The following POLR3H variants were observed in gnomAD, a reference collection of about 807,000 sequenced individuals.
POLR3H encodes DNA-directed RNA polymerase III subunit RPC8.
In POLR3H, 17 loss-of-function variants were observed where a neutral mutation model predicts 25.5. The ratio of observed to expected loss-of-function variants is 0.67; its 90% confidence interval spans 0.46 to 1.00. The LOEUF is 1.00. Among genes scored for constraint, POLR3H ranks in the 50% least tolerant of loss-of-function variants. The probability of loss-of-function intolerance (pLI) is 0.00; values close to 1 mark genes in which losing one functional copy is unlikely to be tolerated. For synonymous variants in POLR3H, 129 were observed against 103.0 expected, an observed-to-expected ratio of 1.25 and a Z score of -1.53; for missense variants, 274 against 265.0, an observed-to-expected ratio of 1.03 and a Z score of -0.24.
chr22:41,541,989 G>A (rs2066935914), intron 1 of POLR3H, among the ~76,000 whole-genome samples: 1 of 152,080 alleles, frequency 6.6e-6, no homozygotes, highest in South Asian at 2.1e-4. Flanking sequence ...ATCCTACAGG[G>A]CTGTGTGGCC....
At chr22:41,533,907 G>A (rs2145551893) in intron 2 of POLR3H, among the ~76,000 whole-genome samples, 1 of 152,324 alleles carries the variant, frequency 6.6e-6, no homozygotes. Context: ...GGGAGGCCGA[G>A]GTGGGCAGAT....
Position 41,527,199 on chromosome 22 carries a change from C to G in POLR3H, c.*2084G>C. 1 of 1,597,582 alleles carries G rather than the reference C, an allele frequency of 6.3e-7. No individual in the cohort carries two copies. The highest frequency in any genetic ancestry group is 2.2e-5 in the East Asian group (1 of 44,594). On this transcript the variant is annotated 3_prime_UTR_variant, in exon 6 of 6. Coordinates refer to ENST00000355209, the MANE Select transcript of POLR3H (RefSeq NM_001018050.4). ...CCGGGAGCCTCAGGATGCCCAGGCG[C>G]CAGGTGGGTGAGGCCAGGCAGGTAG...
rs2066616741 is a variant in POLR3H, at chr22:41,527,139, G to A, written c.*2144C>T. 1 of 1,170,622 alleles carries A rather than the reference G, an allele frequency of 8.5e-7. No individual in the cohort carries two copies. Among genetic ancestry groups the A allele is most frequent in the Non-Finnish European group, 1.2e-6 (1 of 827,282 alleles). The allele number at this position is 1,170,622 out of a possible 1,614,324, so 72.5% of individuals were successfully genotyped here. On this transcript the variant is annotated 3_prime_UTR_variant, in exon 6 of 6. Coordinates refer to ENST00000355209, the MANE Select transcript of POLR3H (RefSeq NM_001018050.4). ...TCACGCAGGCTTCACTTGCCCTTAG[G>A]CAGCAGGCGAGGAAGGGCCCCTCCA...
In POLR3H at chr22:41,528,768, T is replaced by TAAA; in HGVS notation, c.*514_*515insTTT. On this transcript the variant is annotated 3_prime_UTR_variant, in exon 6 of 6. Transcript: ENST00000355209. ...TTAGCCCACGGAGTGACTGTGGTTG[T>TAAA]GGTGGGGGGGTTCTTAAAATAACTT... 4.5e-6 allele frequency: 5 copies of TAAA among 1,122,608 alleles called. No homozygotes were observed. The highest frequency in any genetic ancestry group is 4.9e-6 in the Non-Finnish European group (4 of 819,114). 69.5% of individuals were successfully genotyped at this position (1,122,608 alleles called of 1,614,324 possible). A position where few individuals can be genotyped will look rare whatever the true frequency, so the allele number is the denominator to read the frequency against.
intron 1 of POLR3H, among the ~76,000 whole-genome samples, 185 bp from the exon 2 acceptor site, chr22:41,540,980 G>T (rs771326237): frequency 6.6e-6 from 1 of 152,172 alleles, no homozygotes; most frequent in Admixed American, 6.5e-5. Context: ...AGCTCTGGAA[G>T]GAGCAGGGCC....
In POLR3H at chr22:41,527,269, A is replaced by AC; in HGVS notation, c.*2013dup. ...GTGCCCTCCTCTGCCTTATAACCTT[A>AC]CCCCCGCTTGCCTGACAGAAACATG... On this transcript the variant is annotated 3_prime_UTR_variant, in exon 6 of 6. Transcript: ENST00000355209. The AC allele has an allele frequency of 6.2e-7, 1 of 1,613,184 alleles. No individual in the cohort carries two copies. Among genetic ancestry groups the AC allele is most frequent in the African/African-American group, 1.3e-5 (1 of 74,680 alleles).
Position 41,529,137 on chromosome 22 carries a change from G to A in POLR3H, c.*146C>T, listed in dbSNP as rs562909019. The A allele has an allele frequency of 4.4e-5, 29 of 662,518 alleles. No individual in the cohort carries two copies. Among genetic ancestry groups the A allele is most frequent in the Non-Finnish European group, 7.0e-5 (27 of 384,374 alleles). The allele number at this position is 662,518 out of a possible 1,614,324, so 41.0% of individuals were successfully genotyped here. ...GCAGGGCCTAGATGGTGGAGGAGCGGGGCAAGCTGGTGGGCACTCCTGGCC... is the reference window on the plus strand; with the variant it reads ...GCAGGGCCTAGATGGTGGAGGAGCGAGGCAAGCTGGTGGGCACTCCTGGCC... On this transcript the variant is annotated 3_prime_UTR_variant, in exon 6 of 6. Coordinates refer to ENST00000355209, the MANE Select transcript of POLR3H (RefSeq NM_001018050.4).
rs565366612 is a variant in POLR3H, at chr22:41,526,924, G to A, written c.*2359C>T. 1.6e-4 allele frequency: 58 copies of A among 361,712 alleles called. No individual in the cohort carries two copies. In the South Asian group the frequency reaches 1.9e-3, roughly 12 times the overall value. 22.4% of individuals were successfully genotyped at this position (361,712 alleles called of 1,614,324 possible). On this transcript the variant is annotated 3_prime_UTR_variant, in exon 6 of 6. Transcript: ENST00000355209. ...CTGGTGGCTGGGTGGGGCAGAGGGT[G>A]CTCCCAGGAAGGGGGCGCCTTGAGC...
rs2146145367 is a variant in POLR3H, at chr22:41,526,552, AGGCCGAC to A, written c.*2724_*2730del. 1 of 1,363,696 alleles carries A rather than the reference AGGCCGAC, an allele frequency of 7.3e-7. No homozygotes were observed. The highest frequency in any genetic ancestry group is 1.4e-5 in the South Asian group (1 of 70,648). 84.5% of individuals were successfully genotyped at this position (1,363,696 alleles called of 1,614,324 possible). A position where few individuals can be genotyped will look rare whatever the true frequency, so the allele number is the denominator to read the frequency against. The stretch of plus-strand genomic sequence containing the variant: ...ATTAGGGGAGTGGAAACTGGGAAGG[AGGCCGAC>A]CAAGCCCAAAGGGGACTGCTGTGGA... On this transcript the variant is annotated 3_prime_UTR_variant, in exon 6 of 6. Transcript: ENST00000355209.
rs1569031920 is a variant in POLR3H, at chr22:41,532,667, C to G, written c.287G>C (p.Gly96Ala). 6.2e-7 allele frequency: 1 copy of G among 1,614,126 alleles called. No homozygotes were observed. Among genetic ancestry groups the G allele is most frequent in the Admixed American group, 1.7e-5 (1 of 60,020 alleles). ...GTCAGGGCCACTGTTACCGTGCACT[C>G]CTTCTGGGCTGCAGCCTTTGATCTT... The part of the protein sequence containing the change: ...IGKIKGCSPE[G>A]VHVSLGFFDD... The change falls in exon 3 of 6, where the codon GGA becomes GCA. Residue 96 changes from glycine (G) to alanine (A), a missense_variant. By Grantham distance (60) the Gly-to-Ala change is moderately conservative. Coordinates refer to ENST00000355209, the MANE Select transcript of POLR3H (RefSeq NM_001018050.4).
At position 41,530,568 on chromosome 22, in the gene POLR3H, A is replaced by G. The variant is rs1234180462; in HGVS notation, c.561+119T>C. On this transcript the variant is annotated intron_variant, in intron 5 of 5. Transcript: ENST00000355209. ...AGAAGTGACCAGCCAAGACCCCCCA[A>G]ACAGGATCCCTGACCTGCTGGGGGA... 3.4e-5 allele frequency: 33 copies of G among 956,642 alleles called. 1 individual carries two copies. The Admixed American group carries it at 5.2e-4, about 15-fold the overall frequency. 59.3% of individuals were successfully genotyped at this position (956,642 alleles called of 1,614,324 possible).
Position 41,526,424 on chromosome 22 carries a change from C to A in POLR3H, c.*2859G>T. The A allele has an allele frequency of 6.2e-7, 1 of 1,613,612 alleles. No homozygotes were observed. Among genetic ancestry groups the A allele is most frequent in the Non-Finnish European group, 8.5e-7 (1 of 1,179,816 alleles). ...CAATGCCGTCACTCAGGAGTTTGGC[C>A]CCGTCCCTGACACTGCCCGCTACTA... On this transcript the variant is annotated 3_prime_UTR_variant, in exon 6 of 6. Transcript: ENST00000355209.
chr22:41,528,851 CTG>C lies in POLR3H; in HGVS notation c.*430_*431del, dbSNP rs1472908358. ...TCAGATCTTAAGCAGCTCCATGCAA[CTG>C]TATTTATTTTTGATGACAAGACTCC... is the stretch of plus-strand genomic sequence containing the variant. On this transcript the variant is annotated 3_prime_UTR_variant, in exon 6 of 6. Transcript: ENST00000355209. 3.6e-6 allele frequency: 2 copies of C among 557,806 alleles called. No individual in the cohort carries two copies. Among genetic ancestry groups the C allele is most frequent in the Admixed American group, 3.5e-5 (1 of 28,368 alleles). The allele number at this position is 557,806 out of a possible 1,614,324, so 34.6% of individuals were successfully genotyped here.
intron 2 of POLR3H, chr22:41,533,666 G>A (rs576607413): frequency 7.7e-7 from 1 of 1,304,072 alleles, no homozygotes; most frequent in African/African-American, 1.5e-5. Flanking sequence ...CATGAGGAGA[G>A]GCAGCCGATG....
In POLR3H at chr22:41,544,436, A is replaced by ACGCACCGCGCACCGCGCACCG. The variant is rs145880629; in HGVS notation, c.-336_-335insCGGTGCGCGGTGCGCGGTGCG. On this transcript the variant is annotated 5_prime_UTR_variant, in exon 1 of 6. Transcript: ENST00000355209. ...CCGCTCGTATCACGCACCACGCACC[A>ACGCACCGCGCACCGCGCACCG]CGCACCGCGCACAGCCGCTCGCGCT... 1,056 of 187,202 alleles carry ACGCACCGCGCACCGCGCACCG rather than the reference A, an allele frequency of 5.6e-3. 11 individuals are homozygous for ACGCACCGCGCACCGCGCACCG. Among genetic ancestry groups the ACGCACCGCGCACCGCGCACCG allele is most frequent in the African/African-American group, 0.019 (783 of 42,074 alleles). The allele number at this position is 187,202 out of a possible 1,614,324, so 11.6% of individuals were successfully genotyped here.
Position 41,526,487 on chromosome 22 carries a change from T to C in POLR3H, c.*2796A>G. 1 of 1,594,572 alleles carries C rather than the reference T, an allele frequency of 6.3e-7. No individual in the cohort carries two copies. The highest frequency in any genetic ancestry group is 8.6e-7 in the Non-Finnish European group (1 of 1,167,662). On this transcript the variant is annotated 3_prime_UTR_variant, in exon 6 of 6. Transcript: ENST00000355209. ...GAGTTGATAGGGGCAATGCCAGTGG[T>C]CACTCCTGAAGGGGCCTGCAAGGCA...
intron 2 of POLR3H, among the ~76,000 whole-genome samples, chr22:41,534,158 G>C (rs1601952564): frequency 1.3e-5 from 2 of 151,682 alleles, no homozygotes; most frequent in South Asian, 4.2e-4. Flanking sequence ...AAACTTCACA[G>C]AGCCTGCACC....
Position 41,528,136 on chromosome 22 carries a change from G to A in POLR3H, c.*1147C>T, listed in dbSNP as rs1318020879. 6.7e-7 allele frequency: 1 copy of A among 1,487,654 alleles called. No homozygotes were observed. The highest frequency in any genetic ancestry group is 9.1e-7 in the Non-Finnish European group (1 of 1,101,062). 92.2% of individuals were successfully genotyped at this position (1,487,654 alleles called of 1,614,324 possible). ...AGGAGGCTTCATTCCAGCTGGAAAG[G>A]CCCCCAGTTCTCCAGGTGGCCCCAC... is the stretch of plus-strand genomic sequence containing the variant. On this transcript the variant is annotated 3_prime_UTR_variant, in exon 6 of 6. Transcript: ENST00000355209.
Position 41,527,744 on chromosome 22 carries a change from T to A in POLR3H, c.*1539A>T. 8.1e-7 allele frequency: 1 copy of A among 1,240,726 alleles called. No individual in the cohort carries two copies. The highest frequency in any genetic ancestry group is 1.1e-6 in the Non-Finnish European group (1 of 900,432). The allele number at this position is 1,240,726 out of a possible 1,614,324, so 76.9% of individuals were successfully genotyped here. On this transcript the variant is annotated 3_prime_UTR_variant, in exon 6 of 6. Coordinates refer to ENST00000355209, the MANE Select transcript of POLR3H (RefSeq NM_001018050.4). ...AGCGCACACTTGCTAGGGGCACCCC[T>A]AGTGAAAGGGAGCAGACCAGGGCCC... is the stretch of plus-strand genomic sequence containing the variant.
Sources: allele counts gnomAD v4.1 joint callset (sites outside exome capture counted in the v4.1 genomes callset), GRCh38; gene constraint gnomAD v4.1.1; transcripts MANE v1.5; gene names NCBI Gene and HGNC (gene_info 2026-07-23, HGNC 2026-07-21).